The following SORBS2 variants were observed in gnomAD, a reference collection of about 807,000 sequenced individuals.
SORBS2 encodes the protein sorbin and SH3 domain containing 2, also known as sorbin and SH3 domain-containing protein 2.
In SORBS2, 46 loss-of-function variants were observed where a neutral mutation model predicts 97.7. The observed-to-expected ratio is 0.47, with a 90% confidence interval of 0.37 to 0.60. The LOEUF (loss-of-function observed/expected upper bound fraction) is 0.60, where lower values mean the gene tolerates loss of function less well. Ranked by LOEUF, SORBS2 falls within the 20% of genes least tolerant of loss-of-function variation. The pLI is 0.00. For missense variants in SORBS2, 1,316 were observed against 1,282.3 expected, an observed-to-expected ratio of 1.03 and a Z score of -0.40; for synonymous variants, 476 against 473.4, an observed-to-expected ratio of 1.01 and a Z score of -0.07.
At chr4:185,877,292 G>C (rs1388893144) in intron 1 of SORBS2, among the ~76,000 whole-genome samples, 1 of 151,022 alleles carries the variant, frequency 6.6e-6, no homozygotes, top group Non-Finnish European at 1.5e-5. Context: ...AAACATTAAA[G>C]GTTGTTTTTT....
At chr4:185,716,624 C>T (rs1005369133) in intron 2 of SORBS2, among the ~76,000 whole-genome samples, 2 of 152,124 alleles carry the variant, frequency 1.3e-5, no homozygotes, top group African/African-American at 4.8e-5. Context: ...TCTACTAAAT[C>T]TTGGTTTGAA....
chr4:185,651,991 G>A (rs1375649944), intron 2 of SORBS2, among the ~76,000 whole-genome samples, 163 bp from the exon 11 acceptor site: 1 of 151,842 alleles, frequency 6.6e-6, no homozygotes, highest in Non-Finnish European at 1.5e-5. Context: ...TTAAGAGACA[G>A]GGTTTTACCC....
At chr4:185,706,833 C>A (rs1344880311) in intron 2 of SORBS2, among the ~76,000 whole-genome samples, 1 of 152,024 alleles carries the variant, frequency 6.6e-6, no homozygotes, top group Non-Finnish European at 1.5e-5. Flanking sequence ...TGTTGGTTAT[C>A]CCTGTAGTGT....
At chr4:185,929,338 GA>G (rs1343175154) in intron 1 of SORBS2, among the ~76,000 whole-genome samples, 2 of 152,110 alleles carry the variant, frequency 1.3e-5, no homozygotes, top group African/African-American at 4.8e-5. Flanking sequence ...CCAGTTCTGA[GA>G]AACTTCAAGA....
At chr4:185,706,324 A>G (rs2098340644) in intron 2 of SORBS2, among the ~76,000 whole-genome samples, 1 of 152,218 alleles carries the variant, frequency 6.6e-6, no homozygotes. Context: ...TTACCACTTC[A>G]TATCCCAACC....
At chr4:185,766,587 ACAAT>A (rs2098935416) in intron 2 of SORBS2, among the ~76,000 whole-genome samples, 1 of 152,220 alleles carries the variant, frequency 6.6e-6, no homozygotes, top group Non-Finnish European at 1.5e-5. Flanking sequence ...TTGAAAATTA[ACAAT>A]TTGTTCTAAA....
chr4:185,930,550 G>A (rs575659854), intron 1 of SORBS2, among the ~76,000 whole-genome samples: 6 of 152,166 alleles, frequency 3.9e-5, no homozygotes, highest in African/African-American at 9.6e-5. Context: ...CGCCTGCCTC[G>A]GCCTCCCAAA....
chr4:185,732,464 C>A (rs1467069736), intron 2 of SORBS2, among the ~76,000 whole-genome samples: 1 of 152,174 alleles, frequency 6.6e-6, no homozygotes, highest in East Asian at 1.9e-4. Context: ...ACCAAAGTGC[C>A]TATGTGACTG....
At chr4:185,742,639 T>C (rs10009306) in intron 2 of SORBS2, among the ~76,000 whole-genome samples, 17,233 of 152,248 alleles carry the variant, frequency 0.11, 1,663 homozygotes, top group African/African-American at 0.24. Flanking sequence ...TGCCATTAGC[T>C]GTTATCACGG....
intron 1 of SORBS2, among the ~76,000 whole-genome samples, chr4:185,864,089 T>C (rs2149718516): frequency 6.6e-6 from 1 of 152,326 alleles, no homozygotes; most frequent in East Asian, 1.9e-4. Context: ...TTTAACTCTC[T>C]TATCAATAAG....
intron 2 of SORBS2, among the ~76,000 whole-genome samples, chr4:185,766,457 A>C (rs2098934571): frequency 6.6e-6 from 1 of 152,252 alleles, no homozygotes; most frequent in Admixed American, 6.5e-5. Flanking sequence ...TGAAATAGAA[A>C]ATACTGTAGA....
chr4:185,631,799 C>T (rs1238254928), intron 4 of SORBS2, among the ~76,000 whole-genome samples: 1 of 151,462 alleles, frequency 6.6e-6, no homozygotes, highest in Non-Finnish European at 1.5e-5. Flanking sequence ...AAAAACAAAA[C>T]AAAACAAAAC....
intron 2 of SORBS2, among the ~76,000 whole-genome samples, chr4:185,752,640 C>A (rs1415925844): frequency 6.6e-6 from 1 of 152,204 alleles, no homozygotes; most frequent in Non-Finnish European, 1.5e-5. Flanking sequence ...ACTGAAATTA[C>A]TTCTGTCAAA....
rs538955871 is a variant in SORBS2, at chr4:185,895,594, G to A, written c.-338+60602C>T. On this transcript the variant is annotated intron_variant, in intron 1 of 20. Coordinates refer to the SORBS2 transcript ENST00000284776. ...CCCGGGTGCACCGGGCCCAGTGCCC[G>A]GCTGCCTTCTTGCTCAGAGTCAGGT... Among the ~76,000 whole-genome samples the A allele has an allele frequency of 8.9e-4, 135 of 152,294 alleles. 1 individual carries two copies. The highest frequency in any genetic ancestry group is 3.0e-3 in the African/African-American group (125 of 41,570).
chr4:185,781,602 C>CATTG (rs1323608502), intron 1 of SORBS2, among the ~76,000 whole-genome samples: 3 of 150,932 alleles, frequency 2.0e-5, no homozygotes. Context: ...GCCTCCCTTC[C>CATTG]CTTGCCTCCG....
At chr4:185,662,289 T>C (rs1435651241) in intron 4 of SORBS2, 47 bp from the exon 8 acceptor site, 2 of 1,543,148 alleles carry the variant, frequency 1.3e-6, no homozygotes, top group African/African-American at 2.7e-5. Context: ...CATAGTTCCC[T>C]GTAAACATCA....
Position 185,844,642 on chromosome 4 carries a change from A to C in SORBS2, c.-337-69276T>G, listed in dbSNP as rs535521420. On this transcript the variant is annotated intron_variant, in intron 1 of 20. Coordinates refer to the SORBS2 transcript ENST00000284776. ...AAAAGTGAACACAGATCTTCAAACA[A>C]AACTTGTACACCGATGCTCACAGCG... Among the ~76,000 whole-genome samples the C allele has an allele frequency of 2.0e-5, 3 of 152,358 alleles. No individual in the cohort carries two copies. The South Asian group carries it at 6.2e-4, about 32-fold the overall frequency.
At chr4:185,677,050 C>T in intron 4 of SORBS2, 1 of 1,551,470 alleles carries the variant, frequency 6.4e-7, no homozygotes, top group Non-Finnish European at 8.7e-7. Context: ...TTTTGTCTCT[C>T]TTGCTGAAGA....
chr4:185,931,244 G>A (rs1335589725), intron 1 of SORBS2, among the ~76,000 whole-genome samples: 2 of 152,154 alleles, frequency 1.3e-5, no homozygotes, highest in African/African-American at 4.8e-5. Flanking sequence ...ACTAGCAAAT[G>A]TTTATTGACC....
Sources: allele counts gnomAD v4.1 joint callset (sites outside exome capture counted in the v4.1 genomes callset), GRCh38; gene constraint gnomAD v4.1.1; transcripts MANE v1.5; gene names NCBI Gene and HGNC (gene_info 2026-07-23, HGNC 2026-07-21).